Variants in FAM228B observed in about 807,000 individuals in gnomAD.
FAM228B encodes family with sequence similarity 228 member B, also known as protein FAM228B.
Under a neutral mutation model 42.6 loss-of-function variants are expected in FAM228B, and 38 were observed. The observed-to-expected ratio is 0.89, with a 90% CI of 0.69 to 1.17. FAM228B has a LOEUF of 1.17. FAM228B is among the 50% of genes most tolerant of loss of function. The probability of loss-of-function intolerance (pLI) is 0.00; values close to 1 mark genes in which losing one functional copy is unlikely to be tolerated. For synonymous variants in FAM228B, 109 were observed against 122.3 expected (o/e 0.89, Z 0.72); for missense variants, 344 against 367.3 (o/e 0.94, Z 0.52).
chr2:24,126,289 T>C (rs537225867), intron 2 of FAM228B, among the ~76,000 whole-genome samples: 29 of 152,346 alleles, frequency 1.9e-4, no homozygotes, highest in African/African-American at 7.0e-4. Context: ...ACTAGTAGTG[T>C]GTGAGAGTTC....
intron 7 of FAM228B, among the ~76,000 whole-genome samples, chr2:24,159,786 C>T (rs886422280): frequency 1.3e-5 from 2 of 152,230 alleles, no homozygotes; most frequent in South Asian, 2.1e-4. Flanking sequence ...GCCAAGCACA[C>T]GATTCTAGAT....
chr2:24,107,438 A>T (rs1342937996), intron 3 of FAM228B, among the ~76,000 whole-genome samples: 1 of 152,204 alleles, frequency 6.6e-6, no homozygotes, highest in Non-Finnish European at 1.5e-5. Flanking sequence ...CCTGATAGAC[A>T]TCTACAGAGT....
chr2:24,124,330 T>A lies in FAM228B; in HGVS notation c.-32T>A. ...CAATACTAAATAAGATGATTTTTAG[T>A]TTTTCCAGGGGCATTGTTATTTGTG... is the stretch of plus-strand genomic sequence containing the variant. On this transcript the variant is annotated splice_region_variant and 5_prime_UTR_variant, in exon 2 of 11. Coordinates refer to ENST00000615575, the MANE Select transcript of FAM228B (RefSeq NM_001145710.2). 1 of 1,428,700 alleles carries A rather than the reference T, an allele frequency of 7.0e-7. No individual in the cohort carries two copies. Among genetic ancestry groups the A allele is most frequent in the South Asian group, 1.3e-5 (1 of 78,292 alleles). The allele number at this position is 1,428,700 out of a possible 1,614,324, so 88.5% of individuals were successfully genotyped here. A position where few individuals can be genotyped will look rare whatever the true frequency, so the allele number is the denominator to read the frequency against.
intron 2 of FAM228B, among the ~76,000 whole-genome samples, chr2:24,093,547 A>G (rs1331343185): frequency 6.6e-6 from 1 of 151,724 alleles, no homozygotes; most frequent in Non-Finnish European, 1.5e-5. Flanking sequence ...TATCCACTCT[A>G]TCATTGATGG....
upstream of FAM228B, chr2:24,121,306 GA>G: frequency 6.2e-7 from 1 of 1,614,104 alleles, no homozygotes; most frequent in South Asian, 1.1e-5. Context: ...GTTACCTGGA[GA>G]GGTTACATGG....
At chr2:24,152,651 G>A (rs1327823010) in intron 7 of FAM228B, among the ~76,000 whole-genome samples, 1 of 152,206 alleles carries the variant, frequency 6.6e-6, no homozygotes, top group Non-Finnish European at 1.5e-5. Flanking sequence ...TCTGTGCTGA[G>A]CCACCTGGAG....
At chr2:24,167,945 A>T (rs1169049149) in intron 10 of FAM228B, 12 of 390,868 alleles carry the variant, frequency 3.1e-5, no homozygotes, top group Non-Finnish European at 5.7e-5. Context: ...TATTGCTTGG[A>T]ATTTCTCACC....
At chr2:24,088,764 A>C (rs1665319015) in intron 2 of FAM228B, among the ~76,000 whole-genome samples, 1 of 152,250 alleles carries the variant, frequency 6.6e-6, no homozygotes, top group Admixed American at 6.5e-5. Context: ...TGATTTATAC[A>C]GCCAGTTGGT....
chr2:24,137,415 A>G lies in FAM228B; in HGVS notation c.169-494A>G, dbSNP rs560333734. Reference sequence around the variant, plus strand: ...TCTCTCCTCTGTCTTCAGTTATTTTATTTATAGTATGCCATACATATATCC... The same window carrying G: ...TCTCTCCTCTGTCTTCAGTTATTTTGTTTATAGTATGCCATACATATATCC... On this transcript the variant is annotated intron_variant, in intron 3 of 10. Transcript: ENST00000615575. 8.5e-5 allele frequency among the ~76,000 whole-genome samples: 13 copies of G among 152,276 alleles called. No homozygotes were observed. In the South Asian group the frequency reaches 1.7e-3, roughly 19 times the overall value.
intron 3 of FAM228B, among the ~76,000 whole-genome samples, chr2:24,118,405 C>T (rs938542312): frequency 1.3e-5 from 2 of 152,202 alleles, no homozygotes; most frequent in African/African-American, 4.8e-5. Context: ...CTCTCTGGCG[C>T]CTTCCCTGAC....
intron 3 of FAM228B, among the ~76,000 whole-genome samples, chr2:24,099,397 T>G (rs1261335061): frequency 6.6e-6 from 1 of 152,198 alleles, no homozygotes; most frequent in Non-Finnish European, 1.5e-5. Context: ...CAAAATCTCC[T>G]TAAGCTGATA....
chr2:24,168,909 C>CT (rs1667498817), intron 10 of FAM228B, among the ~76,000 whole-genome samples: 1 of 152,114 alleles, frequency 6.6e-6, no homozygotes, highest in African/African-American at 2.4e-5. Flanking sequence ...AGATTGTTTC[C>CT]TTCTGTTTAC....
At position 24,084,249 on chromosome 2, in the gene FAM228B, C is replaced by A. The variant is rs776132443; in HGVS notation, c.-210+3294C>A. On this transcript the variant is annotated intron_variant, in intron 2 of 10. Coordinates refer to the FAM228B transcript ENST00000613899. The surrounding 1 kb of genome is among the most constrained non-coding windows in gnomAD (Gnocchi z 8.4). ...CCACCTTCAGGAGGACTTCACCCTC[C>A]CCCGGGCTCGGCTTGGCCACCTCCT... The A allele has an allele frequency of 6.2e-7, 1 of 1,614,008 alleles. No individual in the cohort carries two copies. The highest frequency in any genetic ancestry group is 1.3e-5 in the African/African-American group (1 of 74,944).
intron 1 of FAM228B, chr2:24,079,613 CAGTCT>C (rs754849944): frequency 1.2e-6 from 2 of 1,614,082 alleles, no homozygotes; most frequent in South Asian, 2.2e-5. Context: ...TCCGCCTATG[CAGTCT>C]AGAATAAGAT....
At chr2:24,092,108 C>T (rs6545266) in intron 2 of FAM228B, among the ~76,000 whole-genome samples, 17,934 of 150,348 alleles carry the variant, frequency 0.12, 1,238 homozygotes, top group South Asian at 0.18. Flanking sequence ...CCTGTAGTTC[C>T]AGCTACTTGG....
intron 5 of FAM228B, among the ~76,000 whole-genome samples, chr2:24,143,828 T>C (rs1360412621): frequency 6.6e-6 from 1 of 152,126 alleles, no homozygotes; most frequent in African/African-American, 2.4e-5. Context: ...CAAAAGTTAT[T>C]TGGATATAAC....
chr2:24,146,705 T>G (rs1009111044), intron 5 of FAM228B, 43 bp from the exon 6 acceptor site: 2 of 1,378,688 alleles, frequency 1.5e-6, no homozygotes, highest in African/African-American at 1.4e-5. Flanking sequence ...TGTTTACTAC[T>G]CAGACTTGCA....
intron 5 of FAM228B, among the ~76,000 whole-genome samples, chr2:24,143,558 C>T (rs1197510186): frequency 1.3e-5 from 2 of 152,238 alleles, no homozygotes; most frequent in East Asian, 3.9e-4. Context: ...ACTAAAACAA[C>T]AAATCTCAAC....
intron 5 of FAM228B, among the ~76,000 whole-genome samples, chr2:24,143,224 A>G (rs546688681): frequency 1.9e-4 from 29 of 151,964 alleles, no homozygotes; most frequent in African/African-American, 6.5e-4. Context: ...TCTGTCACCC[A>G]GGCTGGAGTG....
Sources: allele counts gnomAD v4.1 joint callset (sites outside exome capture counted in the v4.1 genomes callset), GRCh38; gene constraint gnomAD v4.1.1; non-coding constraint Gnocchi (gnomAD v3.1); transcripts MANE v1.5; gene names NCBI Gene and HGNC (gene_info 2026-07-23, HGNC 2026-07-21).